The following JAK2 variants were observed in gnomAD, a reference collection of about 807,000 sequenced individuals.
The protein encoded by JAK2 is Janus kinase 2.
JAK2 carries 86 observed loss-of-function variants against 139.3 expected under a neutral mutation model. The observed-to-expected ratio is 0.62, with a 90% CI of 0.52 to 0.74. The LOEUF (loss-of-function observed/expected upper bound fraction) is 0.74, where lower values mean the gene tolerates loss of function less well. Among genes scored for constraint, JAK2 ranks in the 30% least tolerant of loss-of-function variants. The pLI is 0.00. For missense variants in JAK2, 1,421 were observed against 1,360.3 expected, an observed-to-expected ratio of 1.04 and a Z score of -0.70; for synonymous variants, 490 against 437.7, an observed-to-expected ratio of 1.12 and a Z score of -1.49.
At chr9:5,078,645 G>T (rs1220527828) in intron 16 of JAK2, among the ~76,000 whole-genome samples, 1 of 152,096 alleles carries the variant, frequency 6.6e-6, no homozygotes, top group Non-Finnish European at 1.5e-5. Flanking sequence ...ACCATGGACT[G>T]TGAGGTGATT....
intron 22 of JAK2, chr9:5,114,207 T>C (rs1822922018): frequency 4.0e-6 from 2 of 495,350 alleles, no homozygotes; most frequent in Non-Finnish European, 8.0e-6. Context: ...CCTGAGCCGG[T>C]CCAGCCCCTT....
intron 19 of JAK2, chr9:5,086,031 G>T: frequency 1.3e-6 from 1 of 780,344 alleles, no homozygotes; most frequent in South Asian, 1.4e-5. Context: ...ATTTGGACAG[G>T]CAGGTGTTAA....
chr9:5,036,416 C>G (rs1171994751), intron 4 of JAK2, among the ~76,000 whole-genome samples: 1 of 152,096 alleles, frequency 6.6e-6, no homozygotes, highest in Non-Finnish European at 1.5e-5. Flanking sequence ...CCCACATTGC[C>G]AAGTCAATCC....
intron 22 of JAK2, among the ~76,000 whole-genome samples, chr9:5,119,067 T>A (rs983543137): frequency 2.6e-5 from 4 of 152,142 alleles, no homozygotes; most frequent in African/African-American, 9.7e-5. Flanking sequence ...ATTAACATAT[T>A]TTATCATGTT....
At chr9:5,095,520 A>G (rs1192978966) in intron 22 of JAK2, among the ~76,000 whole-genome samples, 1 of 152,034 alleles carries the variant, frequency 6.6e-6, no homozygotes, top group Admixed American at 6.6e-5. Context: ...CCTTAATAAT[A>G]ACAGCCCTAG....
At chr9:5,005,826 G>T (rs35676824) in intron 2 of JAK2, among the ~76,000 whole-genome samples, 1 of 152,120 alleles carries the variant, frequency 6.6e-6, no homozygotes, top group East Asian at 1.9e-4. Flanking sequence ...TATATTCTGA[G>T]GGCTCTGTTC....
chr9:5,075,783 T>G (rs569343436), intron 14 of JAK2, among the ~76,000 whole-genome samples: 1 of 152,266 alleles, frequency 6.6e-6, no homozygotes, highest in Non-Finnish European at 1.5e-5. Flanking sequence ...TCTTATTATC[T>G]AAGAAATACA....
intron 8 of JAK2, among the ~76,000 whole-genome samples, chr9:5,057,965 C>T (rs1318343844): frequency 1.3e-5 from 2 of 152,038 alleles, no homozygotes; most frequent in Admixed American, 1.3e-4. Context: ...TTGTGACAGG[C>T]TTATTTCAGT....
At chr9:5,122,976 C>G in intron 22 of JAK2, 28 bp from the exon 23 acceptor site, 3 of 1,430,430 alleles carry the variant, frequency 2.1e-6, no homozygotes, top group Non-Finnish European at 2.9e-6. Context: ...AAGTAACTGT[C>G]TTTTAAATGT....
Position 5,090,791 on chromosome 9 carries a change from G to C in JAK2, c.2939G>C (p.Arg980Thr). ...TATATCCACAGGGATCTGGCAACGA[G>C]AAATATATTGGTGGAGAACGAGAAC... ...KRYIHRDLAT[R>T]NILVENENRV... is the part of the protein sequence containing the mutation. Residue 980 changes from arginine to threonine, a missense_variant, in exon 22 of 25, where the codon AGA (arginine) becomes ACA (threonine). Physicochemically the swap from Arg to Thr is moderately conservative, Grantham distance 71. Coordinates refer to ENST00000381652, the MANE Select transcript of JAK2 (RefSeq NM_004972.4). 6.2e-7 allele frequency: 1 copy of C among 1,613,424 alleles called. No homozygotes were observed. The highest frequency in any genetic ancestry group is 8.5e-7 in the Non-Finnish European group (1 of 1,179,674).
chr9:5,108,164 T>A (rs895101783), intron 22 of JAK2: 1 of 152,112 alleles, frequency 6.6e-6, no homozygotes, highest in Admixed American at 6.6e-5. Flanking sequence ...CAAGCCAATA[T>A]TAACTGTTCA....
chr9:5,059,655 T>A (rs1409032374), intron 8 of JAK2, among the ~76,000 whole-genome samples: 1 of 152,198 alleles, frequency 6.6e-6, no homozygotes, highest in African/African-American at 2.4e-5. Context: ...ATCAGTTCAC[T>A]CTTCTTTCAG....
chr9:5,001,872 G>A (rs1346323645), intron 2 of JAK2, among the ~76,000 whole-genome samples: 1 of 151,896 alleles, frequency 6.6e-6, no homozygotes, highest in Non-Finnish European at 1.5e-5. Context: ...TACTATTCAA[G>A]GTTTCTGTTT....
chr9:5,114,674 C>T (rs530880257), intron 22 of JAK2: 13 of 435,088 alleles, frequency 3.0e-5, no homozygotes, highest in African/African-American at 8.1e-5. Flanking sequence ...GCTCTGGCGT[C>T]TTAGTCTTCA....
intron 6 of JAK2, among the ~76,000 whole-genome samples, chr9:5,051,165 C>T (rs1007888371): frequency 6.6e-5 from 10 of 152,080 alleles, no homozygotes; most frequent in African/African-American, 2.2e-4. Flanking sequence ...AATAAAAAAT[C>T]ATATGGGTAA....
intron 2 of JAK2, among the ~76,000 whole-genome samples, chr9:4,993,933 G>T (rs1346169927): frequency 3.9e-5 from 6 of 152,158 alleles, no homozygotes; most frequent in Non-Finnish European, 1.5e-5. Flanking sequence ...GTGTCTAAAT[G>T]GTCTCAGACT....
At chr9:5,025,565 G>A (rs1326070398) in intron 3 of JAK2, among the ~76,000 whole-genome samples, 2 of 131,660 alleles carry the variant, frequency 1.5e-5, no homozygotes, top group Non-Finnish European at 3.1e-5. Flanking sequence ...ACTGAGTCTT[G>A]CTCTGTTGCC....
chr9:5,126,743 G>A lies in JAK2; in HGVS notation c.3351G>A (p.Arg1117=). ...NNNVNQRPSF[R]DLALRVDQIR... Reference sequence around the variant, plus strand: ...ATGTAAATCAACGCCCCTCCTTTAGGGATCTAGCTCTTCGAGTGGATCAAA... The same window carrying A: ...ATGTAAATCAACGCCCCTCCTTTAGAGATCTAGCTCTTCGAGTGGATCAAA... Residue 1117 remains arginine, a synonymous_variant, in exon 25 of 25, where the codon AGG becomes AGA. Transcript: ENST00000381652. The A allele has an allele frequency of 6.2e-7, 1 of 1,610,824 alleles. No individual in the cohort carries two copies. The highest frequency in any genetic ancestry group is 8.5e-7 in the Non-Finnish European group (1 of 1,177,680).
At position 5,050,840 on chromosome 9, in the gene JAK2, C is replaced by G. The variant is rs753837462; in HGVS notation, c.614+9C>G. On this transcript the variant is annotated intron_variant, in intron 6 of 24. Transcript: ENST00000381652. ...ATCTATAACTCTATCAGGTAATTTT[C>G]TTTTGCAAATCCTTACACATAAGTG... The G allele has an allele frequency of 1.7e-4, 279 of 1,610,560 alleles. No individual in the cohort carries two copies. Among genetic ancestry groups the G allele is most frequent in the Non-Finnish European group, 1.9e-4 (221 of 1,177,334 alleles).
Sources: allele counts gnomAD v4.1 joint callset (sites outside exome capture counted in the v4.1 genomes callset), GRCh38; gene constraint gnomAD v4.1.1; transcripts MANE v1.5; gene names NCBI Gene and HGNC (gene_info 2026-07-23, HGNC 2026-07-21).